SCYL2: variants seen among roughly 807,000 people sequenced by gnomAD.
The protein encoded by SCYL2 is SCY1-like protein 2.
A neutral mutation model predicts 100.4 loss-of-function variants in SCYL2; 36 were observed. The observed-to-expected ratio is 0.36, with a 90% CI of 0.27 to 0.47. SCYL2 has a LOEUF of 0.47. Among genes scored for constraint, SCYL2 ranks in the 20% least tolerant of loss-of-function variants. SCYL2 has a pLI of 1.00. For missense variants in SCYL2, 902 were observed against 1,083.9 expected (o/e 0.83, Z 2.36); for synonymous variants, 330 against 359.2 (o/e 0.92, Z 0.92).
intron 4 of SCYL2, among the ~76,000 whole-genome samples, chr12:100,303,423 T>G (rs2096330150): frequency 6.6e-6 from 1 of 152,196 alleles, no homozygotes; most frequent in African/African-American, 2.4e-5. Context: ...GACTTTCAAA[T>G]GGGGTTTTTG....
chr12:100,338,356 A>G (rs918359621), intron 17 of SCYL2, among the ~76,000 whole-genome samples, 172 bp from the exon 18 acceptor site: 1 of 152,232 alleles, frequency 6.6e-6, no homozygotes, highest in African/African-American at 2.4e-5. Context: ...TAAAAACTAT[A>G]TAAAAATAGG....
chr12:100,315,567 G>T lies in SCYL2; in HGVS notation c.1105G>T (p.Val369Leu). ...CATTTTTGCCTTTCAGCGTGTCATT[G>T]TGCAGAGAATTTTGCCTTGTTTGAC... ...VLPKLPKRVI[V>L]QRILPCLTSE... Residue 369 changes from valine (V) to leucine (L), a missense_variant, in exon 9 of 18, where the codon GTG (valine) becomes TTG (leucine). By Grantham distance (32) the Val-to-Leu change is conservative. Transcript: ENST00000360820. 5 of 1,589,724 alleles carry T rather than the reference G, an allele frequency of 3.1e-6. No homozygotes were observed. Among genetic ancestry groups the T allele is most frequent in the South Asian group, 1.2e-5 (1 of 84,390 alleles).
intron 11 of SCYL2, among the ~76,000 whole-genome samples, chr12:100,325,005 T>C (rs940756660): frequency 3.9e-5 from 6 of 151,920 alleles, no homozygotes; most frequent in African/African-American, 1.5e-4. Context: ...CTGAGGCGAG[T>C]GGATCTCGAG....
chr12:100,315,830 C>T, intron 9 of SCYL2, 96 bp downstream of exon 9: 1 of 1,029,954 alleles, frequency 9.7e-7, no homozygotes. Flanking sequence ...TTAAAAAAAA[C>T]TGAGGTAAGT....
intron 4 of SCYL2, among the ~76,000 whole-genome samples, chr12:100,301,956 G>T (rs1233063341): frequency 6.6e-6 from 1 of 152,176 alleles, no homozygotes; most frequent in Non-Finnish European, 1.5e-5. Context: ...GGGCCCGATG[G>T]CTCTTTAATC....
chr12:100,282,675 T>G (rs2096300196), intron 1 of SCYL2, among the ~76,000 whole-genome samples: 1 of 152,136 alleles, frequency 6.6e-6, no homozygotes, highest in South Asian at 2.1e-4. Flanking sequence ...CAATATTCAT[T>G]CTCTTTCTTA....
At position 100,314,589 on chromosome 12, in the gene SCYL2, C is replaced by T. The variant is rs33968174; in HGVS notation, c.1070C>T (p.Pro357Leu). The change falls in exon 8 of 18, where the codon CCA becomes CTA. Residue 357 changes from proline (P) to leucine (L), a missense_variant. Transcript: ENST00000360820. ...AAATCACAGTTTTTCAAAGGACTGC[C>T]AAAGGTTCTACCAAAACTGCCCAAG... ...LQKSQFFKGL[P>L]KVLPKLPKRV... The T allele has an allele frequency of 0.1, 165,320 of 1,596,468 alleles. 9,793 individuals carry two copies. The highest frequency in any genetic ancestry group is 0.12 in the Non-Finnish European group (141,721 of 1,173,194).
At chr12:100,334,997 A>C (rs1952257546) in intron 14 of SCYL2, among the ~76,000 whole-genome samples, 1 of 152,042 alleles carries the variant, frequency 6.6e-6, no homozygotes. Flanking sequence ...GACTTAAAGT[A>C]AATACACATG....
intron 1 of SCYL2, among the ~76,000 whole-genome samples, chr12:100,273,452 A>G (rs2096289558): frequency 6.6e-6 from 1 of 151,998 alleles, no homozygotes; most frequent in Non-Finnish European, 1.5e-5. Flanking sequence ...AAGATTTTTC[A>G]TAGCTTATTT....
At chr12:100,312,753 G>T (rs1037427811) in intron 6 of SCYL2, 100 bp downstream of exon 6, 1 of 756,010 alleles carries the variant, frequency 1.3e-6, no homozygotes, top group Non-Finnish European at 2.2e-6. Flanking sequence ...AATGACATGA[G>T]TATCTCATTT....
chr12:100,313,384 A>G, intron 6 of SCYL2, 38 bp from the exon 7 acceptor site: 1 of 958,008 alleles, frequency 1.0e-6, no homozygotes, highest in Non-Finnish European at 1.6e-6. Flanking sequence ...CTTTTTAAAT[A>G]TTTTATACTC....
chr12:100,331,201 G>C (rs1037899148), intron 13 of SCYL2, among the ~76,000 whole-genome samples: 1 of 152,140 alleles, frequency 6.6e-6, no homozygotes, highest in Non-Finnish European at 1.5e-5. Context: ...TGGGCAAGAA[G>C]GGAGACAGTG....
At chr12:100,275,210 T>C (rs1049869819) in intron 1 of SCYL2, among the ~76,000 whole-genome samples, 2 of 152,014 alleles carry the variant, frequency 1.3e-5, no homozygotes, top group Admixed American at 1.3e-4. Flanking sequence ...CTTTTTTTTT[T>C]CTTTTTTTTG....
intron 4 of SCYL2, 58 bp from the exon 5 acceptor site, chr12:100,310,986 T>C: frequency 7.2e-7 from 1 of 1,388,764 alleles, no homozygotes; most frequent in Non-Finnish European, 9.5e-7. Context: ...TTGTGAGACA[T>C]TTTATTATAA....
At chr12:100,279,025 T>G (rs964910191) in intron 1 of SCYL2, among the ~76,000 whole-genome samples, 2 of 152,206 alleles carry the variant, frequency 1.3e-5, no homozygotes, top group African/African-American at 4.8e-5. Context: ...TTTCAGCTAT[T>G]TGGTATATCT....
At position 100,312,637 on chromosome 12, in the gene SCYL2, G is replaced by A; in HGVS notation, c.836G>A (p.Ser279Asn). The change falls in exon 6 of 18, where the codon AGT becomes AAT. Residue 279 changes from serine (S) to asparagine (N), a missense_variant. Physicochemically the swap from Ser to Asn is conservative, Grantham distance 46 (BLOSUM62 1). Coordinates refer to ENST00000360820, the MANE Select transcript of SCYL2 (RefSeq NM_017988.6). ...AAGCAAGATATTTACAAGAGTTTCA[G>A]TAGGCAGTTGGATCAGGTATTTGCC... ...VNKQDIYKSFSRQLDQLSRLG... is the reference protein window; with the variant it reads ...VNKQDIYKSFNRQLDQLSRLG... 6.2e-7 allele frequency: 1 copy of A among 1,610,940 alleles called. No homozygotes were observed. Among genetic ancestry groups the A allele is most frequent in the African/African-American group, 1.3e-5 (1 of 74,954 alleles).
chr12:100,294,273 C>T (rs1453567901), intron 3 of SCYL2, among the ~76,000 whole-genome samples: 1 of 139,962 alleles, frequency 7.1e-6, no homozygotes, highest in Non-Finnish European at 1.6e-5. Flanking sequence ...CCCAACCTCC[C>T]TCCCGGACGG....
Position 100,340,796 on chromosome 12 carries a change from A to G in SCYL2, c.*1624A>G, listed in dbSNP as rs1289415066. On this transcript the variant is annotated 3_prime_UTR_variant, in exon 18 of 18. Transcript: ENST00000360820. ...CAGAATTGCTAAAGAAATGCATCCAATAAATGAAAAACAGTAGGAAGATCA... is the reference window on the plus strand; with the variant it reads ...CAGAATTGCTAAAGAAATGCATCCAGTAAATGAAAAACAGTAGGAAGATCA... 1 of 152,058 alleles carries G rather than the reference A, an allele frequency of 6.6e-6. No individual in the cohort carries two copies. Among genetic ancestry groups the G allele is most frequent in the Non-Finnish European group, 1.5e-5 (1 of 67,934 alleles). 9.4% of individuals were successfully genotyped at this position (152,058 alleles called of 1,614,324 possible).
intron 12 of SCYL2, among the ~76,000 whole-genome samples, chr12:100,328,986 A>G (rs1029762868): frequency 6.6e-6 from 1 of 152,198 alleles, no homozygotes; most frequent in African/African-American, 2.4e-5. Context: ...CCAAAAGAAC[A>G]CAGGATAAAT....
Sources: allele counts gnomAD v4.1 joint callset (sites outside exome capture counted in the v4.1 genomes callset), GRCh38; gene constraint gnomAD v4.1.1; transcripts MANE v1.5; gene names NCBI Gene and HGNC (gene_info 2026-07-23, HGNC 2026-07-21).